Variants in ATP8A2 observed in about 807,000 individuals in gnomAD.
ATP8A2 encodes phospholipid-transporting ATPase IB.
ATP8A2 carries 100 observed loss-of-function variants against 165.6 expected under a neutral mutation model. The observed-to-expected ratio is 0.60, with a 90% CI of 0.51 to 0.71. The LOEUF (loss-of-function observed/expected upper bound fraction) is 0.71, where lower values mean the gene tolerates loss of function less well. Among genes scored for constraint, ATP8A2 ranks in the 30% least tolerant of loss-of-function variants. ATP8A2 has a pLI of 0.00. For synonymous variants in ATP8A2, 543 were observed against 548.8 expected (o/e 0.99, Z 0.15); for missense variants, 1,227 against 1,479.5 (o/e 0.83, Z 2.80).
chr13:26,000,704 A>AAG (rs1355729688), intron 35 of ATP8A2, among the ~76,000 whole-genome samples: 3 of 148,742 alleles, frequency 2.0e-5, no homozygotes. Flanking sequence ...CAGAGCCAAA[A>AAG]AAAAAAAAAA....
At chr13:25,845,118 C>T (rs1248932238) in intron 30 of ATP8A2, among the ~76,000 whole-genome samples, 1 of 152,092 alleles carries the variant, frequency 6.6e-6, no homozygotes, top group East Asian at 1.9e-4. Context: ...AGATTTCTTC[C>T]AACCATCACA....
At chr13:25,384,018 T>G (rs2032949531) in intron 1 of ATP8A2, among the ~76,000 whole-genome samples, 1 of 152,194 alleles carries the variant, frequency 6.6e-6, no homozygotes, top group South Asian at 2.1e-4. Context: ...CATCTGTGAG[T>G]GGCCATCTGT....
chr13:25,563,776 C>T (rs1468982944), intron 15 of ATP8A2, among the ~76,000 whole-genome samples, 180 bp from the exon 16 acceptor site: 1 of 152,088 alleles, frequency 6.6e-6, no homozygotes, highest in Non-Finnish European at 1.5e-5. Flanking sequence ...ATAGTAAACT[C>T]CAGGATTAAT....
chr13:25,513,435 G>A (rs2037343483), intron 2 of ATP8A2, among the ~76,000 whole-genome samples: 2 of 142,324 alleles, frequency 1.4e-5, no homozygotes, highest in Admixed American at 7.0e-5. Flanking sequence ...CTTCCTAGAT[G>A]TGATGGCGGC....
chr13:25,702,784 G>A (rs2042977872), intron 25 of ATP8A2, among the ~76,000 whole-genome samples: 1 of 152,188 alleles, frequency 6.6e-6, no homozygotes, highest in Admixed American at 6.5e-5. Flanking sequence ...TTTTGTGCTT[G>A]ATTTTCAGAT....
chr13:25,559,855 C>A, intron 15 of ATP8A2, 90 bp downstream of exon 15: 2 of 1,017,578 alleles, frequency 2.0e-6, no homozygotes, highest in Non-Finnish European at 3.0e-6. Flanking sequence ...TTAGAGACAG[C>A]CTCACTCTAT....
chr13:25,610,255 A>C (rs1204215378), intron 24 of ATP8A2, among the ~76,000 whole-genome samples: 1 of 152,106 alleles, frequency 6.6e-6, no homozygotes, highest in Non-Finnish European at 1.5e-5. Flanking sequence ...CAGGTCTTAC[A>C]TTTAAGTCTT....
intron 33 of ATP8A2, among the ~76,000 whole-genome samples, chr13:25,938,074 A>G (rs937416688): frequency 1.4e-4 from 22 of 152,152 alleles, no homozygotes; most frequent in African/African-American, 5.1e-4. Context: ...AGATAAATTG[A>G]AATATATTGG....
intron 33 of ATP8A2, among the ~76,000 whole-genome samples, chr13:25,948,317 G>A (rs1397003276): frequency 6.6e-6 from 1 of 152,010 alleles, no homozygotes; most frequent in Non-Finnish European, 1.5e-5. Flanking sequence ...GGTTATAATC[G>A]ATAGTGTAAA....
chr13:25,891,218 G>A (rs1953349202), intron 33 of ATP8A2, among the ~76,000 whole-genome samples: 1 of 152,184 alleles, frequency 6.6e-6, no homozygotes, highest in Admixed American at 6.5e-5. Flanking sequence ...TGTATTTGAT[G>A]TTTCTTTAGG....
chr13:25,487,184 G>C (rs1006231796), intron 2 of ATP8A2, among the ~76,000 whole-genome samples: 4 of 152,122 alleles, frequency 2.6e-5, no homozygotes, highest in African/African-American at 9.7e-5. Flanking sequence ...GTCAGTGCTA[G>C]TATTTACTTT....
intron 1 of ATP8A2, among the ~76,000 whole-genome samples, chr13:25,406,286 C>T (rs971775454): frequency 6.6e-6 from 1 of 152,134 alleles, no homozygotes; most frequent in Admixed American, 6.5e-5. Context: ...GGCTTACAGA[C>T]TATAGGGGAC....
chr13:25,606,179 A>G (rs1327936355), intron 24 of ATP8A2, among the ~76,000 whole-genome samples: 2 of 152,200 alleles, frequency 1.3e-5, no homozygotes, highest in Admixed American at 6.5e-5. Flanking sequence ...AGCAAAAATG[A>G]TATCTTAATA....
At chr13:25,905,950 T>C (rs1363943418) in intron 33 of ATP8A2, among the ~76,000 whole-genome samples, 1 of 152,222 alleles carries the variant, frequency 6.6e-6, no homozygotes, top group East Asian at 1.9e-4. Flanking sequence ...CTTTGTTCTT[T>C]GTCTATACTC....
chr13:25,977,922 G>A (rs1405314801), intron 35 of ATP8A2, among the ~76,000 whole-genome samples: 1 of 152,160 alleles, frequency 6.6e-6, no homozygotes, highest in Non-Finnish European at 1.5e-5. Context: ...CTAGTAACAC[G>A]GCCTCAGGCT....
intron 33 of ATP8A2, among the ~76,000 whole-genome samples, chr13:25,929,974 A>C (rs1954722323): frequency 6.6e-6 from 1 of 152,088 alleles, no homozygotes; most frequent in Non-Finnish European, 1.5e-5. Flanking sequence ...CTGTTGCTCC[A>C]CGGTTCTCTC....
intron 33 of ATP8A2, among the ~76,000 whole-genome samples, chr13:25,899,452 C>T (rs1566251040): frequency 6.6e-6 from 1 of 152,194 alleles, no homozygotes; most frequent in Non-Finnish European, 1.5e-5. Flanking sequence ...CTGGTATACT[C>T]TCCTGAAAAT....
chr13:25,954,550 G>A (rs1955471512), intron 33 of ATP8A2, among the ~76,000 whole-genome samples: 3 of 152,178 alleles, frequency 2.0e-5, no homozygotes, highest in South Asian at 4.1e-4. Context: ...TGACCCCTAT[G>A]CCTCCTGACT....
chr13:25,480,535 C>T (rs528013316), intron 2 of ATP8A2, among the ~76,000 whole-genome samples: 4 of 147,232 alleles, frequency 2.7e-5, no homozygotes, highest in Admixed American at 6.7e-5. Flanking sequence ...GGGGCAAAGG[C>T]GCTCCCCACA....
Sources: gnomAD v4.1 joint callset for allele counts (sites outside exome capture counted in the v4.1 genomes callset) on GRCh38, gnomAD v4.1.1 for gene constraint, MANE v1.5 for transcripts, NCBI Gene and HGNC (gene_info 2026-07-23, HGNC 2026-07-21) for gene names.